Variants in HCRTR2 observed in about 807,000 individuals in gnomAD.
The protein encoded by HCRTR2 is hypocretin receptor 2.
In HCRTR2, 22 loss-of-function variants were observed where a neutral mutation model predicts 49.0. The ratio of observed to expected loss-of-function variants is 0.45; its 90% CI spans 0.32 to 0.64. HCRTR2 has a LOEUF of 0.64. Ranked by LOEUF, HCRTR2 falls within the 30% of genes least tolerant of loss-of-function variation. HCRTR2 has a pLI of 0.04. For synonymous variants in HCRTR2, 236 were observed against 205.3 expected (o/e 1.15, Z -1.28); for missense variants, 491 against 559.4 (o/e 0.88, Z 1.23).
chr6:55,149,945 T>C (rs9475175), intron 1 of HCRTR2, among the ~76,000 whole-genome samples: 6,180 of 152,070 alleles, frequency 0.041, 254 homozygotes, highest in African/African-American at 0.11. Flanking sequence ...CTAATCAATG[T>C]TTTTTGTTAA....
intron 1 of HCRTR2, among the ~76,000 whole-genome samples, chr6:55,218,093 T>C (rs1006029012): frequency 6.6e-6 from 1 of 152,180 alleles, no homozygotes; most frequent in African/African-American, 2.4e-5. Flanking sequence ...ATAGCCAAAC[T>C]GGATTTTATA....
At chr6:55,231,924 A>C (rs1054806574) in intron 1 of HCRTR2, among the ~76,000 whole-genome samples, 1 of 152,050 alleles carries the variant, frequency 6.6e-6, no homozygotes, top group African/African-American at 2.4e-5. Context: ...GAAAACTCAT[A>C]ATCTCCTCAT....
chr6:55,197,181 A>G (rs2127281851), intron 1 of HCRTR2, among the ~76,000 whole-genome samples: 1 of 152,272 alleles, frequency 6.6e-6, no homozygotes, highest in East Asian at 1.9e-4. Context: ...TGTTAACCCC[A>G]AGCCTAACTC....
chr6:55,111,284 A>G (rs1482295395), intron 1 of HCRTR2, among the ~76,000 whole-genome samples: 2 of 152,034 alleles, frequency 1.3e-5, no homozygotes, highest in African/African-American at 4.8e-5. Context: ...AACAAACCAA[A>G]CCCAAACCTA....
chr6:55,196,257 C>A (rs1479510178), intron 1 of HCRTR2, among the ~76,000 whole-genome samples: 1 of 152,098 alleles, frequency 6.6e-6, no homozygotes, highest in Admixed American at 6.6e-5. Context: ...AATCACAGTA[C>A]CCCAGCAGAT....
intron 3 of HCRTR2, among the ~76,000 whole-genome samples, chr6:55,262,953 C>T (rs945057036): frequency 3.3e-5 from 5 of 151,040 alleles, no homozygotes; most frequent in East Asian, 1.9e-4. Context: ...TACTACAGTC[C>T]TAGAGGTGTT....
At chr6:55,230,779 T>C (rs546015287) in intron 1 of HCRTR2, among the ~76,000 whole-genome samples, 8 of 152,228 alleles carry the variant, frequency 5.3e-5, no homozygotes, top group African/African-American at 1.7e-4. Context: ...TGAATAAAAA[T>C]TGAGGCAAAA....
intron 1 of HCRTR2, among the ~76,000 whole-genome samples, chr6:55,192,828 G>A (rs1765343705): frequency 6.6e-6 from 1 of 152,142 alleles, no homozygotes; most frequent in Non-Finnish European, 1.5e-5. Context: ...TCTGCTAAAT[G>A]TTATCTTTAG....
chr6:55,204,196 T>C (rs12111375), intron 1 of HCRTR2, among the ~76,000 whole-genome samples: 47,817 of 151,810 alleles, frequency 0.31, 8,209 homozygotes, highest in Non-Finnish European at 0.38. Flanking sequence ...AGGAGCACTC[T>C]CAACCTATGA....
At chr6:55,173,040 G>T (rs2127268085), upstream of HCRTR2, among the ~76,000 whole-genome samples, 1 of 152,226 alleles carries the variant, frequency 6.6e-6, no homozygotes, top group Non-Finnish European at 1.5e-5. Flanking sequence ...ATGTAGGTGG[G>T]AGCTACTGTC....
intron 1 of HCRTR2, among the ~76,000 whole-genome samples, chr6:55,163,232 G>A (rs562308400): frequency 1.3e-3 from 191 of 149,246 alleles, no homozygotes; most frequent in Non-Finnish European, 2.0e-3. Context: ...GCAAGACTCC[G>A]TCTCAAAAAA....
chr6:55,107,670 C>T (rs1344113380), intron 1 of HCRTR2, among the ~76,000 whole-genome samples: 4 of 152,048 alleles, frequency 2.6e-5, no homozygotes, highest in African/African-American at 9.7e-5. Flanking sequence ...GTTTGACTTG[C>T]TTCAGTTTCC....
chr6:55,203,585 T>C (rs1237082912), intron 1 of HCRTR2, among the ~76,000 whole-genome samples: 3 of 152,130 alleles, frequency 2.0e-5, no homozygotes, highest in African/African-American at 7.2e-5. Flanking sequence ...GAAGAGGTGT[T>C]ATGGAGTACC....
intron 1 of HCRTR2, among the ~76,000 whole-genome samples, chr6:55,148,862 G>A (rs1372436300): frequency 6.6e-6 from 1 of 152,060 alleles, no homozygotes; most frequent in Admixed American, 6.6e-5. Flanking sequence ...GCATTTTACA[G>A]GTATAACTGC....
chr6:55,173,649 T>C (rs1561995034), upstream of HCRTR2, among the ~76,000 whole-genome samples: 1 of 152,204 alleles, frequency 6.6e-6, no homozygotes, highest in Non-Finnish European at 1.5e-5. Flanking sequence ...GAATGTTTAA[T>C]ATCATTGAGT....
At chr6:55,230,844 ATTT>A (rs75572207) in intron 1 of HCRTR2, among the ~76,000 whole-genome samples, 6 of 147,130 alleles carry the variant, frequency 4.1e-5, no homozygotes, top group Non-Finnish European at 9.0e-5. Context: ...CAGGTCAAAG[ATTT>A]TTTTTTTTTT....
intron 1 of HCRTR2, among the ~76,000 whole-genome samples, chr6:55,209,780 A>T (rs1765665317): frequency 6.6e-6 from 1 of 151,730 alleles, no homozygotes; most frequent in Non-Finnish European, 1.5e-5. Flanking sequence ...TTTTTTTTTC[A>T]TTAACTTGCA....
intron 1 of HCRTR2, among the ~76,000 whole-genome samples, chr6:55,139,241 G>A (rs771721503): frequency 2.6e-5 from 4 of 152,148 alleles, no homozygotes; most frequent in South Asian, 2.1e-4. Context: ...GGTAGCAGCC[G>A]TTTGAGGTTT....
chr6:55,197,880 C>T (rs1182571052), intron 1 of HCRTR2, among the ~76,000 whole-genome samples: 2 of 152,156 alleles, frequency 1.3e-5, no homozygotes, highest in Admixed American at 6.5e-5. Flanking sequence ...CTCGGCCTCC[C>T]AAAGTGCTGG....
Sources: gnomAD v4.1 joint callset for allele counts (sites outside exome capture counted in the v4.1 genomes callset) on GRCh38, gnomAD v4.1.1 for gene constraint, MANE v1.5 for transcripts, NCBI Gene and HGNC (gene_info 2026-07-23, HGNC 2026-07-21) for gene names.